AR: variants seen among roughly 807,000 people sequenced by gnomAD.
The protein encoded by AR is dihydrotestosterone receptor.
In AR, 8 loss-of-function variants were observed where a neutral mutation model predicts 53.9. The observed-to-expected ratio is 0.15, with a 90% CI of 0.09 to 0.27. AR has a LOEUF of 0.27. AR is among the 10% of genes least tolerant of loss of function. The pLI is 1.00. For missense variants in AR, 639 were observed against 742.5 expected, an observed-to-expected ratio of 0.86 and a Z score of 1.62; for synonymous variants, 359 against 316.4, an observed-to-expected ratio of 1.13 and a Z score of -1.43.
intron 1 of AR, among the ~76,000 whole-genome samples, chrX:67,604,068 T>G (rs1467359420): frequency 9.0e-6 from 1 of 110,688 alleles, no homozygotes. Context: ...ACTTACAGTA[T>G]AATTCTGAGA....
In AR at chrX:67,729,393, T is replaced by C. The variant is rs2076171125; in HGVS notation, c.*5552T>C. The C allele has an allele frequency of 5.8e-6, 1 of 173,491 alleles. No homozygotes were observed. Among genetic ancestry groups the C allele is most frequent in the South Asian group, 3.1e-4 (1 of 3,238 alleles). 14.3% of individuals were successfully genotyped at this position (173,491 alleles called of 1,213,427 possible). Reference sequence around the variant, plus strand: ...GTTACTCCTCTTCAGACATTTCAGCTGAGATAACAAATCTTTTGGAATTTT... The same window carrying C: ...GTTACTCCTCTTCAGACATTTCAGCCGAGATAACAAATCTTTTGGAATTTT... On this transcript the variant is annotated 3_prime_UTR_variant, in exon 8 of 8. Coordinates refer to ENST00000374690, the MANE Select transcript of AR (RefSeq NM_000044.6).
intron 1 of AR, among the ~76,000 whole-genome samples, chrX:67,596,662 T>C (rs373705068): frequency 2.0e-4 from 22 of 111,968 alleles, no homozygotes; most frequent in South Asian, 1.1e-3. Context: ...TGGATTATCA[T>C]GCTACATAAT....
At chrX:67,681,162 A>G (rs181474646) in intron 2 of AR, among the ~76,000 whole-genome samples, 1 of 112,064 alleles carries the variant, frequency 8.9e-6, no homozygotes, top group Admixed American at 9.5e-5. Flanking sequence ...GCCCTTCATT[A>G]TAGACTGTGG....
intron 2 of AR, among the ~76,000 whole-genome samples, chrX:67,662,886 C>G (rs1434206157): frequency 3.6e-5 from 4 of 111,571 alleles, no homozygotes; most frequent in Non-Finnish European, 7.5e-5. Context: ...TAATGGCCTT[C>G]TTTGTCTCTT....
chrX:67,606,312 A>C (rs374588177), intron 1 of AR, among the ~76,000 whole-genome samples: 1 of 111,709 alleles, frequency 9.0e-6, no homozygotes, highest in African/African-American at 3.3e-5. Flanking sequence ...GGGTTTTAAA[A>C]TTTTATTTAA....
rs1027665955 is a variant in AR at position 67,710,943 on chromosome X, A to G, written c.1886-459A>G. Among the ~76,000 whole-genome samples, 50 of 112,341 alleles carry G rather than the reference A, an allele frequency of 4.5e-4. 1 individual carries two copies. The highest frequency in any genetic ancestry group is 1.5e-3 in the African/African-American group (46 of 30,926). ...CTCCATTGCAGCATTTTCCAGTCCA[A>G]CGTTTTCTAGAATTGATTGTGGCCA... On this transcript the variant is annotated intron_variant, in intron 3 of 7. Transcript: ENST00000374690.
At chrX:67,692,650 G>T (rs957016420) in intron 3 of AR, among the ~76,000 whole-genome samples, 3 of 111,774 alleles carry the variant, frequency 2.7e-5, no homozygotes, top group Non-Finnish European at 5.6e-5. Flanking sequence ...CACACTGTGG[G>T]AATAATAAAA....
chrX:67,668,861 C>T (rs1030860395), intron 2 of AR, among the ~76,000 whole-genome samples: 3 of 110,873 alleles, frequency 2.7e-5, no homozygotes, highest in African/African-American at 9.8e-5. Context: ...GCTCATAATG[C>T]CCTCTAATGA....
At chrX:67,667,358 T>C (rs1464032390) in intron 2 of AR, among the ~76,000 whole-genome samples, 2 of 111,692 alleles carry the variant, frequency 1.8e-5, no homozygotes, top group Admixed American at 1.9e-4. Flanking sequence ...TGAAAATAAG[T>C]TCACTGTAGA....
chrX:67,562,002 G>A (rs1228644627), intron 1 of AR, among the ~76,000 whole-genome samples: 5 of 97,280 alleles, frequency 5.1e-5, no homozygotes, highest in Admixed American at 3.5e-4. Context: ...GTGCAATGGC[G>A]CAATCTTGGC....
chrX:67,646,263 G>A (rs1017609300), intron 2 of AR, among the ~76,000 whole-genome samples: 1 of 111,421 alleles, frequency 9.0e-6, no homozygotes, highest in African/African-American at 3.3e-5. Context: ...GACAGGTTTT[G>A]TTGTTGAGGA....
At chrX:67,707,295 A>T (rs1355704795) in intron 3 of AR, among the ~76,000 whole-genome samples, 1 of 111,936 alleles carries the variant, frequency 8.9e-6, no homozygotes, top group Non-Finnish European at 1.9e-5. Context: ...GTAGGTCTCT[A>T]AGTAATCACT....
At chrX:67,696,454 G>GATGGAGAC (rs1233800327) in intron 3 of AR, among the ~76,000 whole-genome samples, 1 of 111,768 alleles carries the variant, frequency 8.9e-6, no homozygotes, top group Non-Finnish European at 1.9e-5. Context: ...GTTTCTGCTG[G>GATGGAGAC]ATCCTGTGCT....
intron 3 of AR, among the ~76,000 whole-genome samples, chrX:67,687,259 C>A (rs1333496026): frequency 8.9e-6 from 1 of 111,890 alleles, no homozygotes; most frequent in East Asian, 2.8e-4. Context: ...ACAACTAGTT[C>A]TCTTATCCTG....
At chrX:67,717,712 T>A (rs774151226) in intron 5 of AR, 90 bp downstream of exon 5, 1 of 1,134,321 alleles carries the variant, frequency 8.8e-7, no homozygotes, top group Non-Finnish European at 1.2e-6. Context: ...ACAGTGAAGC[T>A]TAGCTCATTT....
At position 67,619,331 on chromosome X, in the gene AR, C is replaced by CTGTG. The variant is rs749055716; in HGVS notation, c.1617-23907_1617-23904dup. Among the ~76,000 whole-genome samples, 699 of 103,833 alleles carry CTGTG rather than the reference C, an allele frequency of 6.7e-3. 3 individuals are homozygous for CTGTG. Among genetic ancestry groups the CTGTG allele is most frequent in the Non-Finnish European group, 0.012 (580 of 49,192 alleles). The allele number at this position is 103,833 out of a possible 115,157, so 90.2% of individuals were successfully genotyped here. On this transcript the variant is annotated intron_variant, in intron 1 of 7. Transcript: ENST00000374690. ...AGGCAAAGATTCTCTCTCTCTCTCT[C>CTGTG]TGTGTGTGTGTGTGTGTGTGTAATT...
chrX:67,594,018 A>G (rs974499135), intron 1 of AR, among the ~76,000 whole-genome samples: 2 of 112,013 alleles, frequency 1.8e-5, no homozygotes, highest in Admixed American at 1.9e-4. Context: ...TTTTTGAGAC[A>G]AAGTCTTATT....
chrX:67,576,959 ACC>A (rs1483588387), intron 1 of AR, among the ~76,000 whole-genome samples: 2 of 107,632 alleles, frequency 1.9e-5, no homozygotes, highest in Non-Finnish European at 3.8e-5. Flanking sequence ...CATAAAGCAT[ACC>A]CATTTAAACT....
chrX:67,672,687 T>G (rs1233109324), intron 2 of AR, among the ~76,000 whole-genome samples: 1 of 111,560 alleles, frequency 9.0e-6, no homozygotes, highest in Non-Finnish European at 1.9e-5. Flanking sequence ...CGTTTCTATT[T>G]ACATCTTATT....
Sources: gnomAD v4.1 joint callset for allele counts (sites outside exome capture counted in the v4.1 genomes callset) on GRCh38, gnomAD v4.1.1 for gene constraint, MANE v1.5 for transcripts, NCBI Gene and HGNC (gene_info 2026-07-23, HGNC 2026-07-21) for gene names.